SOX7: variants seen among roughly 807,000 people sequenced by gnomAD.
SOX7 encodes the protein transcription factor SOX-7.
In SOX7, 19 loss-of-function variants were observed where a neutral mutation model predicts 24.9. The ratio of observed to expected loss-of-function variants is 0.76; its 90% CI spans 0.53 to 1.12. The LOEUF (loss-of-function observed/expected upper bound fraction) is 1.12, where lower values mean the gene tolerates loss of function less well. Among genes scored for constraint, SOX7 ranks in the 50% most tolerant of loss-of-function variants. The pLI is 0.00. For synonymous variants in SOX7, 327 were observed against 244.5 expected (o/e 1.34, Z -3.15); for missense variants, 702 against 535.0 (o/e 1.31, Z -3.08).
rs972952440 is a variant in SOX7, at chr8:10,724,684, C to G, written c.*1054G>C. ...AGTTGCATGAAGTGGGCATGTGTCT[C>G]TCACACTCCTGGTATACATTCAGAC... is the stretch of plus-strand genomic sequence containing the variant. On this transcript the variant is annotated 3_prime_UTR_variant, in exon 2 of 2. Coordinates refer to ENST00000304501, the MANE Select transcript of SOX7 (RefSeq NM_031439.4). 2.7e-5 allele frequency: 4 copies of G among 150,828 alleles called. No individual in the cohort carries two copies. Among genetic ancestry groups the G allele is most frequent in the Non-Finnish European group, 5.9e-5 (4 of 67,924 alleles). The allele number at this position is 150,828 out of a possible 1,614,324, so 9.3% of individuals were successfully genotyped here. A position where few individuals can be genotyped will look rare whatever the true frequency, so the allele number is the denominator to read the frequency against.
rs1474032599 is a variant in SOX7 at position 10,725,745 on chromosome 8, A to T, written c.1160T>A (p.Val387Glu). Residue 387 changes from valine to glutamate, a missense_variant, in exon 2 of 2, where the codon GTG becomes GAG. By Grantham distance (121) the Val-to-Glu change is moderately radical. Transcript: ENST00000304501. ...ATATYYNSYS[V>E]S ...GACGGGGCGCCTCCAGCTCTATGAC[A>T]CACTGTAGCTGTTGTAGTACGTGGC... The T allele has an allele frequency of 6.2e-7, 1 of 1,614,112 alleles. No homozygotes were observed. Among genetic ancestry groups the T allele is most frequent in the South Asian group, 1.1e-5 (1 of 91,076 alleles).
intron 1 of SOX7, chr8:10,729,540 G>C (rs1403212315): frequency 6.6e-6 from 1 of 152,264 alleles, no homozygotes; most frequent in Admixed American, 6.5e-5. Context: ...AGCTCAGGAA[G>C]AGAGCGGGTT....
At chr8:10,727,363 A>G (rs988720306) in intron 1 of SOX7, among the ~76,000 whole-genome samples, 1 of 152,196 alleles carries the variant, frequency 6.6e-6, no homozygotes, top group East Asian at 1.9e-4. Flanking sequence ...TATACATGCA[A>G]ACCGTCACTT....
rs1024561478 is a variant in SOX7, at chr8:10,730,467, G to T, written c.-34C>A. On this transcript the variant is annotated 5_prime_UTR_variant, in exon 1 of 2. Coordinates refer to ENST00000304501, the MANE Select transcript of SOX7 (RefSeq NM_031439.4). This position sits in a 1 kb window ranked among gnomAD's most constrained non-coding sequence, Gnocchi z 4.8. ...GCGGGTCGCCTCGCTTCGCCTGGCGGGGCAGGCGCGGACCTGGCCCTCGCA... is the reference window on the plus strand; with the variant it reads ...GCGGGTCGCCTCGCTTCGCCTGGCGTGGCAGGCGCGGACCTGGCCCTCGCA... 8.7e-6 allele frequency: 12 copies of T among 1,385,752 alleles called. No homozygotes were observed. Among genetic ancestry groups the T allele is most frequent in the Middle Eastern group, 2.5e-4 (1 of 4,080 alleles). 85.8% of individuals were successfully genotyped at this position (1,385,752 alleles called of 1,614,324 possible).
chr8:10,730,407 A>G lies in SOX7; in HGVS notation c.27T>C (p.Pro9=), dbSNP rs775102680. The G allele has an allele frequency of 6.6e-7, 1 of 1,504,302 alleles. No individual in the cohort carries two copies. Among genetic ancestry groups the G allele is most frequent in the South Asian group, 1.3e-5 (1 of 77,538 alleles). The allele number at this position is 1,504,302 out of a possible 1,614,324, so 93.2% of individuals were successfully genotyped here. The change falls in exon 1 of 2, where the codon CCT becomes CCC. Residue 9 remains proline, a synonymous_variant. Coordinates refer to ENST00000304501, the MANE Select transcript of SOX7 (RefSeq NM_031439.4). The surrounding 1 kb of genome is among the most constrained non-coding windows in gnomAD (Gnocchi z 4.8). MASLLGAY[P]WPEGLECPAL... ...CCGGGCACTCGAGACCCTCGGGCCA[A>G]GGGTAGGCTCCCAGCAGCGAAGCCA...
chr8:10,726,498 C>A lies in SOX7; in HGVS notation c.407G>T (p.Ser136Ile), dbSNP rs571421881. The A allele has an allele frequency of 2.5e-6, 4 of 1,612,362 alleles. No individual in the cohort carries two copies. The African/African-American group carries it at 5.3e-5, about 22-fold the overall frequency. Residue 136 changes from serine to isoleucine, a missense_variant, in exon 2 of 2, where the codon AGC (serine) becomes ATC (isoleucine). Physicochemically the swap from Ser to Ile is moderately radical, Grantham distance 142 (BLOSUM62 -2). Coordinates refer to ENST00000304501, the MANE Select transcript of SOX7 (RefSeq NM_031439.4). ...GGCGTTCTGGTCCCGGGAGAGGGAG[C>A]TCAGAAGGAAGCCCGGGTCCACGCG... ...CKRVDPGFLL[S>I]SLSRDQNALP... is the part of the protein sequence containing the mutation.
Position 10,730,315 on chromosome 8 carries a change from C to T in SOX7, c.119G>A (p.Gly40Asp), listed in dbSNP as rs1374638306. The change falls in exon 1 of 2, where the codon GGC becomes GAC. Residue 40 changes from glycine (G) to aspartate (D), a missense_variant. Physicochemically the swap from Gly to Asp is moderately conservative, Grantham distance 94. Transcript: ENST00000304501. This position sits in a 1 kb window ranked among gnomAD's most constrained non-coding sequence, Gnocchi z 4.8. ...GGGCCGCCGGATACGGCTCTCGGAG[C>T]CCTTGTCCCCCGGGGGCCGGGGGAC... ...PAVPRPPGDK[G>D]SESRIRRPMN... 2.5e-6 allele frequency: 4 copies of T among 1,574,908 alleles called. No individual in the cohort carries two copies. The highest frequency in any genetic ancestry group is 1.7e-6 in the Non-Finnish European group (2 of 1,163,284).
At position 10,726,183 on chromosome 8, in the gene SOX7, G is replaced by C. The variant is rs767362815; in HGVS notation, c.722C>G (p.Pro241Arg). The C allele has an allele frequency of 1.6e-5, 26 of 1,611,514 alleles. No individual in the cohort carries two copies. The highest frequency in any genetic ancestry group is 2.2e-5 in the Non-Finnish European group (26 of 1,178,906). ...PRRIPHLPGH[P>R]YSPEYAPSPL... ...GCTTGGGGCGTACTCCGGTGAGTAC[G>C]GGTGCCCTGGCAGGTGGGGGATGCG... The change falls in exon 2 of 2, where the codon CCG becomes CGG. Residue 241 changes from proline to arginine, a missense_variant. Pro to Arg is a moderately radical substitution (Grantham distance 103, BLOSUM62 -2). Transcript: ENST00000304501.
rs1380568849 is a variant in SOX7, at chr8:10,724,541, AC to A, written c.*1196del. On this transcript the variant is annotated 3_prime_UTR_variant, in exon 2 of 2. Coordinates refer to ENST00000304501, the MANE Select transcript of SOX7 (RefSeq NM_031439.4). ...TGTGTATCCAGATTTGAAGACAGTG[AC>A]TTTGCTTGGTTGCAAAGTCCTTTTA... 1.3e-5 allele frequency: 2 copies of A among 152,158 alleles called. No individual in the cohort carries two copies. Among genetic ancestry groups the A allele is most frequent in the Non-Finnish European group, 2.9e-5 (2 of 68,028 alleles). 9.4% of individuals were successfully genotyped at this position (152,158 alleles called of 1,614,324 possible).
rs766388511 is a variant in SOX7, at chr8:10,725,978, G to A, written c.927C>T (p.His309=). ...HLGQLSPPPE[H]PGFDALDQLS... ...GTTGATCCAGGGCGTCGAAGCCAGG[G>A]TGCTCAGGAGGCGGGGAAAGCTGGC... Residue 309 remains histidine (H), a synonymous_variant, in exon 2 of 2, where the codon CAC becomes CAT. Transcript: ENST00000304501. The A allele has an allele frequency of 5.6e-6, 9 of 1,606,428 alleles. No individual in the cohort carries two copies. In the East Asian group the frequency reaches 1.3e-4, roughly 24 times the overall value.
rs964280843 is a variant in SOX7 at position 10,730,082 on chromosome 8, C to T, written c.238+114G>A. On this transcript the variant is annotated intron_variant, in intron 1 of 1. Coordinates refer to ENST00000304501, the MANE Select transcript of SOX7 (RefSeq NM_031439.4). This position sits in a 1 kb window ranked among gnomAD's most constrained non-coding sequence, Gnocchi z 4.8. The stretch of plus-strand genomic sequence containing the variant: ...GCCACGCGGGCACGAAGAGGGCCCT[C>T]GTCCCGCGTGCCGGGTCTTCCCCAG... 56 of 701,674 alleles carry T rather than the reference C, an allele frequency of 8.0e-5. No individual in the cohort carries two copies. The highest frequency in any genetic ancestry group is 1.3e-4 in the African/African-American group (7 of 52,844). The allele number at this position is 701,674 out of a possible 1,614,324, so 43.5% of individuals were successfully genotyped here. A position where few individuals can be genotyped will look rare whatever the true frequency, so the allele number is the denominator to read the frequency against.
chr8:10,727,861 C>A (rs976834459), intron 1 of SOX7, among the ~76,000 whole-genome samples: 1 of 152,244 alleles, frequency 6.6e-6, no homozygotes, highest in Non-Finnish European at 1.5e-5. Context: ...TCAGCACATT[C>A]TGCACAGGGC....
intron 1 of SOX7, chr8:10,729,417 A>C (rs1800217017): frequency 6.6e-6 from 1 of 152,158 alleles, no homozygotes. Context: ...TCAGCTCGAC[A>C]CCGGAGAAAA....
chr8:10,726,724 ATGCACACGCGTGCACACACACG>A, intron 1 of SOX7, 58 bp from the exon 2 acceptor site: 3 of 1,466,638 alleles, frequency 2.0e-6, no homozygotes, highest in Non-Finnish European at 2.7e-6. Flanking sequence ...GGCATCGCAC[ATGCACACGCGTGCACACACACG>A]TGCACATGCA....
chr8:10,726,526 T>A lies in SOX7; in HGVS notation c.379A>T (p.Lys127Ter). Residue 127 changes from lysine to a stop codon, truncating the protein, a stop_gained, in exon 2 of 2, where the codon AAG becomes TAG. Coordinates refer to ENST00000304501, the MANE Select transcript of SOX7 (RefSeq NM_031439.4). LOFTEE classifies it high-confidence loss of function. ...RRKKQAKRLC[K>*]RVDPGFLLSS... ...AGAAGGAAGCCCGGGTCCACGCGCT[T>A]GCACAGCCGCTTGGCCTGCTTCTTC... The A allele has an allele frequency of 6.2e-7, 1 of 1,612,600 alleles. No homozygotes were observed. The highest frequency in any genetic ancestry group is 8.5e-7 in the Non-Finnish European group (1 of 1,179,958).
Position 10,725,835 on chromosome 8 carries a change from A to T in SOX7, c.1070T>A (p.Val357Asp). The change falls in exon 2 of 2, where the codon GTC becomes GAC. Residue 357 changes from valine to aspartate, a missense_variant. Coordinates refer to ENST00000304501, the MANE Select transcript of SOX7 (RefSeq NM_031439.4). ...GGGACCCGTTGGTGTCACCTGGGAGACCGGAACATGCCCACTGAGGGCCAT... is the reference window on the plus strand; with the variant it reads ...GGGACCCGTTGGTGTCACCTGGGAGTCCGGAACATGCCCACTGAGGGCCAT... Reference protein sequence around the residue: ...GAMALSGHVPVSQVTPTGPTE... With the variant: ...GAMALSGHVPDSQVTPTGPTE... The T allele has an allele frequency of 6.2e-7, 1 of 1,614,072 alleles. No individual in the cohort carries two copies. The highest frequency in any genetic ancestry group is 1.1e-5 in the South Asian group (1 of 91,062).
In SOX7 at chr8:10,730,105, C is replaced by G; in HGVS notation, c.238+91G>C. ...CTCGTCCCGCGTGCCGGGTCTTCCC[C>G]AGGCTCCGCGCTCGCACCCGCCCTG... On this transcript the variant is annotated intron_variant, in intron 1 of 1. Transcript: ENST00000304501. This position sits in a 1 kb window ranked among gnomAD's most constrained non-coding sequence, Gnocchi z 4.8. 1.0e-6 allele frequency: 1 copy of G among 996,784 alleles called. No individual in the cohort carries two copies. The highest frequency in any genetic ancestry group is 1.3e-6 in the Non-Finnish European group (1 of 760,638). The allele number at this position is 996,784 out of a possible 1,614,324, so 61.7% of individuals were successfully genotyped here.
Position 10,730,226 on chromosome 8 carries a change from G to A in SOX7, c.208C>T (p.Leu70=), listed in dbSNP as rs550013139. Residue 70 remains leucine (L), a synonymous_variant, in exon 1 of 2, where the codon CTG becomes TTG. Transcript: ENST00000304501. The surrounding 1 kb of genome is among the most constrained non-coding windows in gnomAD (Gnocchi z 4.8). The part of the protein sequence containing the change: ...RKRLAVQNPD[L]HNAELSKMLG... ...ATCTTGCTGAGCTCGGCGTTGTGCAGGTCCGGGTTCTGCACTGCCAGCCGT... is the reference window on the plus strand; with the variant it reads ...ATCTTGCTGAGCTCGGCGTTGTGCAAGTCCGGGTTCTGCACTGCCAGCCGT... The A allele has an allele frequency of 3.1e-4, 483 of 1,561,178 alleles. 6 individuals carry two copies. In the South Asian group the frequency reaches 5.3e-3, roughly 17 times the overall value.
At position 10,724,024 on chromosome 8, in the gene SOX7, A is replaced by G. The variant is rs1326066324; in HGVS notation, c.*1714T>C. On this transcript the variant is annotated 3_prime_UTR_variant, in exon 2 of 2. Coordinates refer to ENST00000304501, the MANE Select transcript of SOX7 (RefSeq NM_031439.4). ...ATCATACCTTATAAGTGATTTTACA[A>G]TAGGACATCTTAGAAGGACAAAAAG... 3 of 152,354 alleles carry G rather than the reference A, an allele frequency of 2.0e-5. No individual in the cohort carries two copies. The highest frequency in any genetic ancestry group is 7.2e-5 in the African/African-American group (3 of 41,464). The allele number at this position is 152,354 out of a possible 1,614,324, so 9.4% of individuals were successfully genotyped here.
Sources: allele counts gnomAD v4.1 joint callset (sites outside exome capture counted in the v4.1 genomes callset), GRCh38; gene constraint gnomAD v4.1.1; non-coding constraint Gnocchi (gnomAD v3.1); transcripts MANE v1.5; gene names NCBI Gene and HGNC (gene_info 2026-07-23, HGNC 2026-07-21).